Variants in DHRSX observed in about 807,000 individuals in gnomAD.
DHRSX encodes the protein polyprenol dehydrogenase.
DHRSX carries 31 observed loss-of-function variants against 34.0 expected under a neutral mutation model. That is an observed-to-expected ratio of 0.91 (90% CI 0.69 to 1.23). DHRSX has a LOEUF of 1.23. DHRSX is among the 50% of genes most tolerant of loss of function. The probability of loss-of-function intolerance (pLI) is 0.00; values close to 1 mark genes in which losing one functional copy is unlikely to be tolerated. For missense variants in DHRSX, 414 were observed against 428.1 expected, an observed-to-expected ratio of 0.97 and a Z score of 0.29; for synonymous variants, 201 against 183.8, an observed-to-expected ratio of 1.09 and a Z score of -0.76.
intron 1 of DHRSX, among the ~76,000 whole-genome samples, chrX:2,460,337 T>C (rs1257610385): frequency 1.3e-5 from 2 of 152,066 alleles, no homozygotes; most frequent in African/African-American, 2.4e-5. Flanking sequence ...CGGCTCCCCA[T>C]GGAACTCCAA....
chrX:2,369,187 A>G (rs1057203046), intron 3 of DHRSX, among the ~76,000 whole-genome samples: 6 of 152,188 alleles, frequency 3.9e-5, no homozygotes, highest in Non-Finnish European at 8.8e-5. Context: ...CCCCCCAGCC[A>G]GCATTTCATG....
intron 1 of DHRSX, chrX:2,488,847 C>T (rs147060861): frequency 8.9e-5 from 143 of 1,613,546 alleles, no homozygotes; most frequent in East Asian, 2.5e-4. Context: ...ACGTTGGCGG[C>T]GGATCCGAAG....
chrX:2,300,027 T>A (rs769754788), intron 3 of DHRSX, among the ~76,000 whole-genome samples: 2 of 151,828 alleles, frequency 1.3e-5, no homozygotes, highest in East Asian at 1.9e-4. Flanking sequence ...GAAAAAAAAA[T>A]TCCTTTTGTT....
rs773614156 is a variant in DHRSX, at chrX:2,351,980, A to C, written c.286+56765T>G. ...GGTGATCCACCCGCCTCGGCCTCCC[A>C]AAGTGCTGGGGTTACAGGCGTGAGT... On this transcript the variant is annotated intron_variant, in intron 3 of 6. Transcript: ENST00000334651. Among the ~76,000 whole-genome samples, 472 of 152,228 alleles carry C rather than the reference A, an allele frequency of 3.1e-3. 4 individuals carry two copies. The highest frequency in any genetic ancestry group is 0.01 in the African/African-American group (426 of 41,556).
At chrX:2,431,340 A>C (rs941617880) in intron 1 of DHRSX, among the ~76,000 whole-genome samples, 149 of 104,356 alleles carry the variant, frequency 1.4e-3, no homozygotes, top group African/African-American at 5.3e-3. Context: ...AAAAAAAAAA[A>C]AGACAAAAAA....
intron 3 of DHRSX, among the ~76,000 whole-genome samples, chrX:2,323,603 A>G (rs2042339494): frequency 6.6e-6 from 1 of 152,110 alleles, no homozygotes. Context: ...TCTCTACAAA[A>G]TATTTAAAAT....
At chrX:2,395,950 A>C (rs1479390751) in intron 3 of DHRSX, among the ~76,000 whole-genome samples, 2 of 152,080 alleles carry the variant, frequency 1.3e-5, no homozygotes, top group African/African-American at 2.4e-5. Flanking sequence ...GGGGAACTTA[A>C]TTCAACAGGA....
At chrX:2,446,035 A>T (rs751036740) in intron 1 of DHRSX, among the ~76,000 whole-genome samples, 1 of 150,950 alleles carries the variant, frequency 6.6e-6, no homozygotes, top group South Asian at 2.1e-4. Flanking sequence ...CACTAAAGAC[A>T]TTCCCTAAGT....
chrX:2,286,313 C>T (rs1448698993), intron 4 of DHRSX, among the ~76,000 whole-genome samples: 1 of 151,626 alleles, frequency 6.6e-6, no homozygotes, highest in African/African-American at 2.4e-5. Context: ...AATTCTGATG[C>T]ACAAACCAAG....
chrX:2,353,286 T>A (rs1442599374), intron 3 of DHRSX, among the ~76,000 whole-genome samples: 1 of 152,050 alleles, frequency 6.6e-6, no homozygotes, highest in East Asian at 1.9e-4. Flanking sequence ...TGAAGCCATG[T>A]GTATGTCAGT....
intron 6 of DHRSX, among the ~76,000 whole-genome samples, chrX:2,223,731 A>G (rs1176653167): frequency 6.6e-6 from 1 of 151,834 alleles, no homozygotes. Flanking sequence ...GATCTGTTTC[A>G]TGCTTCTCTC....
At chrX:2,356,337 T>C (rs1271822718) in intron 3 of DHRSX, among the ~76,000 whole-genome samples, 1 of 152,094 alleles carries the variant, frequency 6.6e-6, no homozygotes, top group African/African-American at 2.4e-5. Context: ...ATCGTGCCAC[T>C]GCACTCCAGC....
At chrX:2,226,414 C>T (rs1460988471) in intron 6 of DHRSX, among the ~76,000 whole-genome samples, 1 of 152,108 alleles carries the variant, frequency 6.6e-6, no homozygotes, top group East Asian at 1.9e-4. Context: ...TGGGACTGTT[C>T]AAGAACACCA....
At chrX:2,225,187 AC>A (rs2015624101) in intron 6 of DHRSX, among the ~76,000 whole-genome samples, 1 of 149,910 alleles carries the variant, frequency 6.7e-6, no homozygotes, top group African/African-American at 2.5e-5. Context: ...CACAGCTCAC[AC>A]ATGCACACAT....
chrX:2,429,279 G>A (rs1415572921), intron 1 of DHRSX, among the ~76,000 whole-genome samples: 1 of 152,048 alleles, frequency 6.6e-6, no homozygotes, highest in African/African-American at 2.4e-5. Context: ...CAGACACACA[G>A]TATGCATATA....
chrX:2,333,265 T>C (rs1466709764), intron 3 of DHRSX, among the ~76,000 whole-genome samples: 2 of 152,224 alleles, frequency 1.3e-5, no homozygotes. Flanking sequence ...TTAAAACACA[T>C]ACACACGTGG....
intron 3 of DHRSX, among the ~76,000 whole-genome samples, chrX:2,351,250 AAAAG>A (rs1041415977): frequency 2.0e-5 from 3 of 152,236 alleles, no homozygotes; most frequent in South Asian, 2.1e-4. Context: ...AGTAAAATTA[AAAAG>A]AAAGAAAGTC....
chrX:2,500,543 A>C, intron 1 of DHRSX: 1 of 160,538 alleles, frequency 6.2e-6, no homozygotes, highest in Non-Finnish European at 1.3e-5. Context: ...ACAGGCGGGG[A>C]GGCCACACGC....
chrX:2,497,138 G>C (rs530291393), intron 1 of DHRSX, among the ~76,000 whole-genome samples: 25 of 152,274 alleles, frequency 1.6e-4, no homozygotes, highest in African/African-American at 4.6e-4. Flanking sequence ...GCTCACCCCT[G>C]TAATCCCAGC....
Sources: allele counts gnomAD v4.1 joint callset (sites outside exome capture counted in the v4.1 genomes callset), GRCh38; gene constraint gnomAD v4.1.1; transcripts MANE v1.5; gene names NCBI Gene and HGNC (gene_info 2026-07-23, HGNC 2026-07-21).